The following MAMDC2 variants were observed in gnomAD, a reference collection of about 807,000 sequenced individuals.
MAMDC2 encodes the protein MAM domain containing 2, also known as MAM domain-containing protein 2.
MAMDC2 carries 57 observed loss-of-function variants against 89.8 expected under a neutral mutation model. That is an observed-to-expected ratio of 0.63 (90% CI 0.51 to 0.79). The LOEUF (loss-of-function observed/expected upper bound fraction) is 0.79, where lower values mean the gene tolerates loss of function less well. MAMDC2 is among the 30% of genes least tolerant of loss of function. The pLI is 0.00. For synonymous variants in MAMDC2, 313 were observed against 293.4 expected (o/e 1.07, Z -0.68); for missense variants, 800 against 820.6 (o/e 0.97, Z 0.31).
At chr9:70,129,555 A>G (rs1361338313) in intron 6 of MAMDC2, among the ~76,000 whole-genome samples, 1 of 152,214 alleles carries the variant, frequency 6.6e-6, no homozygotes, top group South Asian at 2.1e-4. Flanking sequence ...CCAAGAAACT[A>G]TTCTATTCAG....
At position 70,126,257 on chromosome 9, in the gene MAMDC2, T is replaced by A. The variant is rs2118341821; in HGVS notation, c.742T>A (p.Ser248Thr). ...LTTAPMAGCL[S>T]FYYQIQQGND... ...CACGGCCCCCATGGCTGGCTGCCTG[T>A]CATTTTATTACCAGATCCAGCAGGG... The change falls in exon 6 of 14, where the codon TCA (serine) becomes ACA (threonine). Residue 248 changes from serine to threonine, a missense_variant. Coordinates refer to ENST00000377182, the MANE Select transcript of MAMDC2 (RefSeq NM_153267.5). 6.2e-7 allele frequency: 1 copy of A among 1,614,184 alleles called. No individual in the cohort carries two copies. Among genetic ancestry groups the A allele is most frequent in the Non-Finnish European group, 8.5e-7 (1 of 1,180,038 alleles).
At chr9:70,082,241 A>T (rs1040756299) in intron 2 of MAMDC2, among the ~76,000 whole-genome samples, 1 of 152,136 alleles carries the variant, frequency 6.6e-6, no homozygotes, top group Admixed American at 6.6e-5. Flanking sequence ...TAAATAAATA[A>T]ATAAATGATA....
chr9:70,161,772 T>C (rs952011413), intron 9 of MAMDC2, among the ~76,000 whole-genome samples: 1 of 152,220 alleles, frequency 6.6e-6, no homozygotes, highest in African/African-American at 2.4e-5. Context: ...GATGTGTCAG[T>C]AGCATCTTAA....
At chr9:70,156,134 C>CTTG (rs1020003326) in intron 9 of MAMDC2, among the ~76,000 whole-genome samples, 2 of 152,238 alleles carry the variant, frequency 1.3e-5, no homozygotes, top group African/African-American at 4.8e-5. Context: ...CAACATGGTT[C>CTTG]TTGTTGGTAA....
intron 12 of MAMDC2, among the ~76,000 whole-genome samples, chr9:70,219,496 C>T (rs2033516887): frequency 6.6e-6 from 1 of 152,198 alleles, no homozygotes; most frequent in Non-Finnish European, 1.5e-5. Flanking sequence ...CCCAGATCTT[C>T]CTGGGAAGGG....
chr9:70,095,028 C>A (rs997099394), intron 2 of MAMDC2, among the ~76,000 whole-genome samples: 1 of 152,046 alleles, frequency 6.6e-6, no homozygotes, highest in Non-Finnish European at 1.5e-5. Context: ...GCAGTAGTGG[C>A]ATGGAATGTA....
intron 12 of MAMDC2, among the ~76,000 whole-genome samples, chr9:70,225,363 G>C (rs990573265): frequency 1.3e-5 from 2 of 151,934 alleles, no homozygotes; most frequent in Non-Finnish European, 2.9e-5. Flanking sequence ...AGTGCTAAAG[G>C]AAATTTAAAT....
intron 2 of MAMDC2, among the ~76,000 whole-genome samples, chr9:70,046,608 T>G (rs2117957130): frequency 6.6e-6 from 1 of 152,320 alleles, no homozygotes; most frequent in East Asian, 1.9e-4. Context: ...ACAGGAAGTC[T>G]CTCTGCTGAG....
Position 70,059,543 on chromosome 9 carries a change from G to T in MAMDC2, c.148+14846G>T, listed in dbSNP as rs147819844. Among the ~76,000 whole-genome samples the T allele has an allele frequency of 7.4e-3, 1,118 of 152,068 alleles. 12 individuals carry two copies. The highest frequency in any genetic ancestry group is 0.026 in the African/African-American group (1,060 of 41,498). On this transcript the variant is annotated intron_variant, in intron 2 of 13. Transcript: ENST00000377182. ...GGTTCTTTATGACTTGCTTTCCCAA[G>T]CCTAGAACAAGTTCTTTCCTCATTC...
chr9:70,068,832 A>T (rs1023620839), intron 2 of MAMDC2, among the ~76,000 whole-genome samples: 1 of 152,160 alleles, frequency 6.6e-6, no homozygotes, highest in Non-Finnish European at 1.5e-5. Context: ...CTCCAGGTCC[A>T]AAGAACGGAA....
At chr9:70,203,068 A>G (rs991192581) in intron 11 of MAMDC2, among the ~76,000 whole-genome samples, 115 of 152,112 alleles carry the variant, frequency 7.6e-4, no homozygotes, top group Non-Finnish European at 1.4e-3. Flanking sequence ...TAAAGTTAAT[A>G]TTGTTATGTG....
chr9:70,199,815 T>C (rs2118627397), intron 11 of MAMDC2, among the ~76,000 whole-genome samples: 1 of 147,912 alleles, frequency 6.8e-6, no homozygotes, highest in East Asian at 2.0e-4. Context: ...TGATGAGCAT[T>C]TTTTCATGTG....
chr9:70,048,048 T>C (rs1254707717), intron 2 of MAMDC2, among the ~76,000 whole-genome samples: 1 of 146,590 alleles, frequency 6.8e-6, no homozygotes, highest in Non-Finnish European at 1.5e-5. Flanking sequence ...CCCCAGGGAA[T>C]GCCAGGTGCA....
At chr9:70,169,248 A>T (rs1355004702) in intron 10 of MAMDC2, among the ~76,000 whole-genome samples, 1 of 152,250 alleles carries the variant, frequency 6.6e-6, no homozygotes, top group Non-Finnish European at 1.5e-5. Context: ...GAATTAAATG[A>T]CAGTGGAACA....
rs765363147 is a variant in MAMDC2 at position 70,109,723 on chromosome 9, T to G, written c.424T>G (p.Leu142Val). The G allele has an allele frequency of 6.2e-7, 1 of 1,612,976 alleles. No individual in the cohort carries two copies. Among genetic ancestry groups the G allele is most frequent in the South Asian group, 1.1e-5 (1 of 90,994 alleles). Reference sequence around the variant, plus strand: ...TTCTTCCCCATATGTTGTGCAGATTTTAATAGAAGGTGTACTAGGACAGGG... The same window carrying G: ...TTCTTCCCCATATGTTGTGCAGATTGTAATAGAAGGTGTACTAGGACAGGG... ...LQNSSKKFKI[L>V]IEGVLGQGNT... Residue 142 changes from leucine to valine, a missense_variant, in exon 4 of 14, where the codon TTA becomes GTA. Physicochemically the swap from Leu to Val is conservative, Grantham distance 32 (BLOSUM62 1). Coordinates refer to ENST00000377182, the MANE Select transcript of MAMDC2 (RefSeq NM_153267.5).
chr9:70,226,198 CTT>C lies in MAMDC2; in HGVS notation c.*172_*173del, dbSNP rs746951372. 4.8e-4 allele frequency: 217 copies of C among 448,334 alleles called. No individual in the cohort carries two copies. In the Middle Eastern group the frequency reaches 0.012, roughly 25 times the overall value. The allele number at this position is 448,334 out of a possible 1,614,324, so 27.8% of individuals were successfully genotyped here. On this transcript the variant is annotated 3_prime_UTR_variant, in exon 14 of 14. Coordinates refer to ENST00000377182, the MANE Select transcript of MAMDC2 (RefSeq NM_153267.5). Reference sequence around the variant, plus strand: ...TGCAAAAACATACTGACTCAGGGCTCTTTTTTTCTTTTTGCATATGACAACTG... The same window carrying C: ...TGCAAAAACATACTGACTCAGGGCTCTTTTTCTTTTTGCATATGACAACTG...
intron 9 of MAMDC2, among the ~76,000 whole-genome samples, chr9:70,159,047 T>TACAC (rs755304556): frequency 0.063 from 9,105 of 145,072 alleles, 296 homozygotes; most frequent in South Asian, 0.08. Context: ...GCATGCATAA[T>TACAC]ACACACACAC....
intron 2 of MAMDC2, among the ~76,000 whole-genome samples, chr9:70,049,323 A>G (rs552942098): frequency 6.6e-6 from 1 of 151,956 alleles, no homozygotes; most frequent in East Asian, 1.9e-4. Context: ...TTTTAAGGAC[A>G]CTCTCAGCTC....
intron 2 of MAMDC2, among the ~76,000 whole-genome samples, chr9:70,060,036 A>G (rs1187212223): frequency 6.6e-6 from 1 of 152,156 alleles, no homozygotes; most frequent in East Asian, 1.9e-4. Context: ...CTTAAGTTCA[A>G]CCTTCCTCAC....
Sources: allele counts gnomAD v4.1 joint callset (sites outside exome capture counted in the v4.1 genomes callset), GRCh38; gene constraint gnomAD v4.1.1; transcripts MANE v1.5; gene names NCBI Gene and HGNC (gene_info 2026-07-23, HGNC 2026-07-21).